The following FBH1 variants were observed in gnomAD, a reference collection of about 807,000 sequenced individuals.
FBH1 encodes the protein DNA 3'-5' helicase 1.
FBH1 carries 43 observed loss-of-function variants against 115.5 expected under a neutral mutation model. That is an observed-to-expected ratio of 0.37 (90% confidence interval 0.29 to 0.48). The LOEUF (loss-of-function observed/expected upper bound fraction) is 0.48. Among genes scored for constraint, FBH1 ranks in the 20% least tolerant of loss-of-function variants. The pLI is 0.99. For synonymous variants in FBH1, 524 were observed against 507.8 expected, an observed-to-expected ratio of 1.03 and a Z score of -0.43; for missense variants, 1,001 against 1,337.3, an observed-to-expected ratio of 0.75 and a Z score of 3.92.
Position 5,915,676 on chromosome 10 carries a change from A to G in FBH1, c.1565+105A>G, listed in dbSNP as rs1254834540. 3 of 1,037,038 alleles carry G rather than the reference A, an allele frequency of 2.9e-6. No individual in the cohort carries two copies. Among genetic ancestry groups the G allele is most frequent in the Non-Finnish European group, 4.3e-6 (3 of 701,622 alleles). The allele number at this position is 1,037,038 out of a possible 1,614,324, so 64.2% of individuals were successfully genotyped here. ...AGCTTACACCACAGTGACCCCGAGG[A>G]GTGTAGTGCTGTTATCTCCACTTAC... On this transcript the variant is annotated intron_variant, in intron 9 of 20. Coordinates refer to ENST00000362091, the MANE Select transcript of FBH1 (RefSeq NM_178150.3). This position sits in a 1 kb window ranked among gnomAD's most constrained non-coding sequence, Gnocchi z 5.2.
intron 2 of FBH1, chr10:5,905,155 A>G (rs1278503348): frequency 6.6e-6 from 1 of 152,382 alleles, no homozygotes; most frequent in East Asian, 1.9e-4. Context: ...CTCTAACACT[A>G]TAAAGAGAAT....
intron 1 of FBH1, among the ~76,000 whole-genome samples, chr10:5,902,778 T>C (rs1843430852): frequency 6.6e-6 from 1 of 151,140 alleles, no homozygotes; most frequent in African/African-American, 2.4e-5. Flanking sequence ...CTAGAAAGTA[T>C]AAGTAGAAAA....
In FBH1 at chr10:5,937,257, G is replaced by A; in HGVS notation, c.3109G>A (p.Ala1037Thr). ...GAACATCGTACTGCCCCGGCATGAG[G>A]CCCTGCTCTTCCTCGTCTTCTGAGG... ...VENIVLPRHE[A>T]LLFLVF is the part of the protein sequence containing the mutation. The change falls in exon 21 of 21, where the codon GCC becomes ACC. Residue 1037 changes from alanine (A) to threonine (T), a missense_variant. Physicochemically the swap from Ala to Thr is moderately conservative, Grantham distance 58 (BLOSUM62 0). Around this residue, in one of 4 missense-constraint regions of FBH1, gnomAD observed 521 missense variants for 811.0 expected, o/e 0.64. Transcript: ENST00000362091. 1 of 1,604,736 alleles carries A rather than the reference G, an allele frequency of 6.2e-7. No individual in the cohort carries two copies. Among genetic ancestry groups the A allele is most frequent in the Non-Finnish European group, 8.5e-7 (1 of 1,174,702 alleles).
chr10:5,895,279 G>C lies in FBH1; in HGVS notation c.1+4933G>C, dbSNP rs1391174720. 7.1e-7 allele frequency: 1 copy of C among 1,402,994 alleles called. No homozygotes were observed. The highest frequency in any genetic ancestry group is 9.6e-7 in the Non-Finnish European group (1 of 1,040,466). The allele number at this position is 1,402,994 out of a possible 1,614,324, so 86.9% of individuals were successfully genotyped here. A position where few individuals can be genotyped will look rare whatever the true frequency, so the allele number is the denominator to read the frequency against. Reference sequence around the variant, plus strand: ...CTGCCCTCTGTGGATCTTTGTTAAAGTTGGGTATGGTATTGTAGCAGTTTC... The same window carrying C: ...CTGCCCTCTGTGGATCTTTGTTAAACTTGGGTATGGTATTGTAGCAGTTTC... On this transcript the variant is annotated intron_variant, in intron 1 of 20. Transcript: ENST00000362091. The surrounding 1 kb of genome is among the most constrained non-coding windows in gnomAD (Gnocchi z 5.0).
rs1242283972 is a variant in FBH1 at position 5,923,326 on chromosome 10, G to C, written c.2323-295G>C. On this transcript the variant is annotated intron_variant, in intron 15 of 20. Coordinates refer to ENST00000362091, the MANE Select transcript of FBH1 (RefSeq NM_178150.3). The surrounding 1 kb of genome is among the most constrained non-coding windows in gnomAD (Gnocchi z 5.7). Reference sequence around the variant, plus strand: ...TTTATTGATGGGAAAGCAGTATGCAGCTGTAGGTCTTGCCCTTTTTAAAAG... The same window carrying C: ...TTTATTGATGGGAAAGCAGTATGCACCTGTAGGTCTTGCCCTTTTTAAAAG... Among the ~76,000 whole-genome samples, 2 of 152,228 alleles carry C rather than the reference G, an allele frequency of 1.3e-5. No individual in the cohort carries two copies. Among genetic ancestry groups the C allele is most frequent in the African/African-American group, 2.4e-5 (1 of 41,454 alleles).
Position 5,925,417 on chromosome 10 carries a change from G to A in FBH1, c.2647G>A (p.Val883Met), listed in dbSNP as rs1340751133. Residue 883 changes from valine (V) to methionine (M), a missense_variant, in exon 18 of 21, where the codon GTG becomes ATG. Physicochemically the swap from Val to Met is conservative, Grantham distance 21. Transcript: ENST00000362091. The surrounding 1 kb of genome is among the most constrained non-coding windows in gnomAD (Gnocchi z 4.6). Reference sequence around the variant, plus strand: ...AGCCAAAGGCCTGGAGTTTGACACTGTGCATGTTTTGGATGATTTTGTGAA... The same window carrying A: ...AGCCAAAGGCCTGGAGTTTGACACTATGCATGTTTTGGATGATTTTGTGAA... The part of the protein sequence containing the change: ...HKAKGLEFDT[V>M]HVLDDFVKVP... 6.2e-7 allele frequency: 1 copy of A among 1,614,218 alleles called. No homozygotes were observed.
chr10:5,937,066 C>G (rs775403059), intron 20 of FBH1, 44 bp from the exon 21 acceptor site: 35 of 1,530,374 alleles, frequency 2.3e-5, no homozygotes, highest in Non-Finnish European at 3.1e-5. Flanking sequence ...AATCCATGTT[C>G]TTTGGTTGTT....
upstream of FBH1, chr10:5,890,024 AGCGGAAGCGCGGATGGGGCGTGGCCCG>A: frequency 3.7e-6 from 1 of 270,526 alleles, no homozygotes; most frequent in Non-Finnish European, 6.9e-6. Flanking sequence ...CCCCGGCCCG[AGCGGAAGCGCGGATGGGGCGTGGCCCG>A]GTAGCTGTGG....
chr10:5,937,050 C>T, intron 20 of FBH1, 60 bp from the exon 21 acceptor site: 1 of 1,503,594 alleles, frequency 6.7e-7, no homozygotes, highest in Non-Finnish European at 8.9e-7. Context: ...ATGCTTTTTG[C>T]TGGAAAATCC....
At chr10:5,908,895 T>C (rs1394571927) in intron 3 of FBH1, 30 bp from the exon 4 acceptor site, 1 of 1,610,884 alleles carries the variant, frequency 6.2e-7, no homozygotes, top group Non-Finnish European at 8.5e-7. Flanking sequence ...CTTTGCCTCA[T>C]GTTATTTTGT....
chr10:5,935,100 ACTTTT>A lies in FBH1; in HGVS notation c.2830-1352_2830-1348del, dbSNP rs1389058237. 6.6e-6 allele frequency: 1 copy of A among 152,228 alleles called. No homozygotes were observed. The highest frequency in any genetic ancestry group is 1.5e-5 in the Non-Finnish European group (1 of 68,046). 9.4% of individuals were successfully genotyped at this position (152,228 alleles called of 1,614,324 possible). A position where few individuals can be genotyped will look rare whatever the true frequency, so the allele number is the denominator to read the frequency against. On this transcript the variant is annotated intron_variant, in intron 19 of 20. Coordinates refer to ENST00000362091, the MANE Select transcript of FBH1 (RefSeq NM_178150.3). The surrounding 1 kb of genome is among the most constrained non-coding windows in gnomAD (Gnocchi z 5.2). ...GTTAGGTTAAGTCATGTTTTGTGAA[ACTTTT>A]CTTCCATGTGTGTTTCTTACATATG...
chr10:5,918,308 C>T lies in FBH1; in HGVS notation c.1964-34C>T. 1 of 1,603,318 alleles carries T rather than the reference C, an allele frequency of 6.2e-7. No homozygotes were observed. The highest frequency in any genetic ancestry group is 1.1e-5 in the South Asian group (1 of 89,964). Reference sequence around the variant, plus strand: ...TTTTTGCTGCCTGGGGTGGAGGCCTCAAGGTTTCTCACTTTTCCTCTCGTT... The same window carrying T: ...TTTTTGCTGCCTGGGGTGGAGGCCTTAAGGTTTCTCACTTTTCCTCTCGTT... On this transcript the variant is annotated intron_variant, in intron 12 of 20. Transcript: ENST00000362091. The surrounding 1 kb of genome is among the most constrained non-coding windows in gnomAD (Gnocchi z 4.0).
chr10:5,913,518 T>A lies in FBH1; in HGVS notation c.1212-229T>A, dbSNP rs559504480. On this transcript the variant is annotated intron_variant, in intron 6 of 20. Coordinates refer to ENST00000362091, the MANE Select transcript of FBH1 (RefSeq NM_178150.3). This position sits in a 1 kb window ranked among gnomAD's most constrained non-coding sequence, Gnocchi z 4.4. ...TGAAGAGCCCGTCCTGGTCTCTTCC[T>A]CCTCTTGGAGATATACATAGAAACT... Among the ~76,000 whole-genome samples, 8 of 152,282 alleles carry A rather than the reference T, an allele frequency of 5.3e-5. No individual in the cohort carries two copies. In the East Asian group the frequency reaches 1.5e-3, roughly 29 times the overall value.
chr10:5,916,370 G>A lies in FBH1; in HGVS notation c.1702G>A (p.Asp568Asn). 6.2e-7 allele frequency: 1 copy of A among 1,614,260 alleles called. No homozygotes were observed. The highest frequency in any genetic ancestry group is 8.5e-7 in the Non-Finnish European group (1 of 1,180,052). The change falls in exon 10 of 21, where the codon GAC (aspartate) becomes AAC (asparagine). Residue 568 changes from aspartate (D) to asparagine (N), a missense_variant. By Grantham distance (23) the Asp-to-Asn change is conservative (BLOSUM62 1). Around this residue, in one of 4 missense-constraint regions of FBH1, gnomAD observed 521 missense variants for 811.0 expected, o/e 0.64. Coordinates refer to ENST00000362091, the MANE Select transcript of FBH1 (RefSeq NM_178150.3). Reference protein sequence around the residue: ...KTLENFFASADEELTIDHVPI... With the variant: ...KTLENFFASANEELTIDHVPI... Reference sequence around the variant, plus strand: ...TCTAGAAAACTTCTTTGCCTCGGCTGACGAAGAGCTGACCATTGATCACGT... The same window carrying A: ...TCTAGAAAACTTCTTTGCCTCGGCTAACGAAGAGCTGACCATTGATCACGT...
chr10:5,921,666 GA>G lies in FBH1; in HGVS notation c.2322+100del. 6.6e-7 allele frequency: 1 copy of G among 1,518,578 alleles called. No individual in the cohort carries two copies. The highest frequency in any genetic ancestry group is 1.3e-5 in the South Asian group (1 of 77,868). 94.1% of individuals were successfully genotyped at this position (1,518,578 alleles called of 1,614,324 possible). On this transcript the variant is annotated intron_variant, in intron 15 of 20. Coordinates refer to ENST00000362091, the MANE Select transcript of FBH1 (RefSeq NM_178150.3). The surrounding 1 kb of genome is among the most constrained non-coding windows in gnomAD (Gnocchi z 6.4). ...CACCTTCCTTGGGATTATCATGCAA[GA>G]AAGCATTTGGGTTTTTGACTCTTTC... is the stretch of plus-strand genomic sequence containing the variant.
intron 1 of FBH1, chr10:5,893,914 T>C: frequency 1.2e-6 from 1 of 863,932 alleles, no homozygotes; most frequent in Non-Finnish European, 1.4e-6. Context: ...TATATAAAAT[T>C]ATATTCTAGA....
In FBH1 at chr10:5,937,534, A is replaced by AAT. The variant is rs1833443128; in HGVS notation, c.*254_*255insAT. 3.2e-5 allele frequency: 10 copies of AAT among 311,980 alleles called. No individual in the cohort carries two copies. Among genetic ancestry groups the AAT allele is most frequent in the Non-Finnish European group, 4.0e-5 (7 of 173,708 alleles). 19.3% of individuals were successfully genotyped at this position (311,980 alleles called of 1,614,324 possible). A position where few individuals can be genotyped will look rare whatever the true frequency, so the allele number is the denominator to read the frequency against. Reference sequence around the variant, plus strand: ...TCTTTTGATAAAAAAAAAAAAAAAAATTTATGTATTTAAACTTTTATTACA... The same window carrying AAT: ...TCTTTTGATAAAAAAAAAAAAAAAAAATTTTATGTATTTAAACTTTTATTACA... On this transcript the variant is annotated 3_prime_UTR_variant, in exon 21 of 21. Coordinates refer to ENST00000362091, the MANE Select transcript of FBH1 (RefSeq NM_178150.3).
chr10:5,915,837 A>G lies in FBH1; in HGVS notation c.1565+266A>G, dbSNP rs929744214. ...CACAGAAAGTCAAAATGACTTGCTT[A>G]AAGTTCAGAGTCTCACAAATCCTGA... On this transcript the variant is annotated intron_variant, in intron 9 of 20. Transcript: ENST00000362091. The surrounding 1 kb of genome is among the most constrained non-coding windows in gnomAD (Gnocchi z 5.2). 2 of 508,214 alleles carry G rather than the reference A, an allele frequency of 3.9e-6. No individual in the cohort carries two copies. Among genetic ancestry groups the G allele is most frequent in the South Asian group, 2.3e-5 (1 of 43,024 alleles). 31.5% of individuals were successfully genotyped at this position (508,214 alleles called of 1,614,324 possible). A position where few individuals can be genotyped will look rare whatever the true frequency, so the allele number is the denominator to read the frequency against.
chr10:5,904,346 C>T (rs1472552000), intron 2 of FBH1, among the ~76,000 whole-genome samples: 1 of 152,200 alleles, frequency 6.6e-6, no homozygotes, highest in Non-Finnish European at 1.5e-5. Context: ...TTGTCTTTAA[C>T]TATTGTATGT....
Sources: gnomAD v4.1 joint callset for allele counts (sites outside exome capture counted in the v4.1 genomes callset) on GRCh38, gnomAD v4.1.1 for gene constraint, gnomAD v4.1.1 regional missense constraint, Gnocchi (gnomAD v3.1) non-coding constraint, MANE v1.5 for transcripts, NCBI Gene and HGNC (gene_info 2026-07-23, HGNC 2026-07-21) for gene names.